Variants in CDKL1 observed in about 807,000 individuals in gnomAD.
CDKL1 encodes the protein cyclin dependent kinase like 1.
A neutral mutation model predicts 42.0 loss-of-function variants in CDKL1; 41 were observed. That is an observed-to-expected ratio of 0.98 (90% CI 0.76 to 1.27). The LOEUF is 1.27. Among genes scored for constraint, CDKL1 ranks in the 50% most tolerant of loss-of-function variants. The pLI, the probability that CDKL1 is intolerant of heterozygous loss-of-function variation, is 0.00. For missense variants in CDKL1, 394 were observed against 428.4 expected, an observed-to-expected ratio of 0.92 and a Z score of 0.71; for synonymous variants, 153 against 158.6, an observed-to-expected ratio of 0.96 and a Z score of 0.26.
At chr14:50,341,576 C>T (rs142322246) in intron 5 of CDKL1, among the ~76,000 whole-genome samples, 4 of 151,208 alleles carry the variant, frequency 2.6e-5, no homozygotes, top group African/African-American at 9.7e-5. Flanking sequence ...CCCAGGAGTT[C>T]GAGACCAGCC....
chr14:50,331,923 A>G, intron 9 of CDKL1: 1 of 1,037,494 alleles, frequency 9.6e-7, no homozygotes. Flanking sequence ...GATGACACAG[A>G]ACTGCATGGG....
At chr14:50,361,178 G>A (rs918863219) in intron 2 of CDKL1, among the ~76,000 whole-genome samples, 4 of 152,142 alleles carry the variant, frequency 2.6e-5, no homozygotes, top group Admixed American at 1.3e-4. Context: ...GGTAAAAGGA[G>A]GAAAATTGAA....
At chr14:50,344,864 C>G (rs774387552) in intron 4 of CDKL1, 122 bp downstream of exon 4, 287 of 729,306 alleles carry the variant, frequency 3.9e-4, no homozygotes, top group Non-Finnish European at 4.2e-4. Flanking sequence ...CTTACCCAAC[C>G]AGGCTTATGA....
intron 4 of CDKL1, among the ~76,000 whole-genome samples, chr14:50,344,477 T>G (rs1334278287): frequency 2.7e-5 from 4 of 150,008 alleles, no homozygotes; most frequent in Middle Eastern, 3.2e-3. Context: ...GGTTTTTTTT[T>G]TTTTTTTTTT....
intron 7 of CDKL1, among the ~76,000 whole-genome samples, chr14:50,338,253 C>T (rs1566575993): frequency 6.6e-6 from 1 of 152,202 alleles, no homozygotes; most frequent in East Asian, 1.9e-4. Context: ...GAGTCTTGCT[C>T]TGTCGCCCAC....
intron 2 of CDKL1, among the ~76,000 whole-genome samples, chr14:50,385,712 G>A (rs553595962): frequency 1.5e-4 from 22 of 150,578 alleles, no homozygotes; most frequent in Admixed American, 4.0e-4. Context: ...GCTGAAGCAC[G>A]AGAATCGCTT....
At chr14:50,366,798 C>T (rs538067666) in intron 2 of CDKL1, among the ~76,000 whole-genome samples, 50 of 152,102 alleles carry the variant, frequency 3.3e-4, no homozygotes, top group Non-Finnish European at 5.7e-4. Flanking sequence ...AAGGTTTACA[C>T]ACTGGAACTG....
At chr14:50,382,542 C>CTCCT (rs60843582) in intron 2 of CDKL1, among the ~76,000 whole-genome samples, 68,664 of 144,674 alleles carry the variant, frequency 0.47, 16,694 homozygotes, top group East Asian at 0.68. Context: ...ATAAAAATTA[C>CTCCT]TCCTTCCTTC....
intron 3 of CDKL1, among the ~76,000 whole-genome samples, chr14:50,346,090 G>A (rs2033714207): frequency 6.6e-6 from 1 of 152,102 alleles, no homozygotes; most frequent in African/African-American, 2.4e-5. Flanking sequence ...GTAAATCAGG[G>A]AGGAAGCTCT....
intron 3 of CDKL1, chr14:50,357,889 G>T (rs1292200318): frequency 4.7e-6 from 2 of 421,694 alleles, no homozygotes; most frequent in East Asian, 1.3e-4. Flanking sequence ...CCATATAAGG[G>T]AAGCTTATTT....
intron 2 of CDKL1, chr14:50,377,747 T>C (rs2034776888): frequency 4.0e-6 from 5 of 1,237,610 alleles, no homozygotes; most frequent in East Asian, 5.3e-5. Context: ...GGCACATGAG[T>C]GGTATGCGGC....
Position 50,338,992 on chromosome 14 carries a change from C to G in CDKL1, c.693G>C (p.Thr231=). Reference sequence around the variant, plus strand: ...TTTTCACTCCACTGAAGTACTGATTCGTGCTAAACACTTGCTGGTGCCTAG... The same window carrying G: ...TTTTCACTCCACTGAAGTACTGATTGGTGCTAAACACTTGCTGGTGCCTAG... ...LIPRHQQVFS[T]NQYFSGVKIP... is the part of the protein sequence containing the mutation. The change falls in exon 7 of 10, where the codon ACG becomes ACC. Residue 231 remains threonine, a synonymous_variant. Transcript: ENST00000395834. 5 of 1,613,146 alleles carry G rather than the reference C, an allele frequency of 3.1e-6. No individual in the cohort carries two copies. The highest frequency in any genetic ancestry group is 4.2e-6 in the Non-Finnish European group (5 of 1,179,128).
chr14:50,386,422 A>C (rs547144533), intron 2 of CDKL1, among the ~76,000 whole-genome samples: 2 of 152,330 alleles, frequency 1.3e-5, no homozygotes, highest in South Asian at 4.1e-4. Flanking sequence ...CAACAGAGTG[A>C]GACTCTGTCG....
At chr14:50,360,786 T>TTGTGTGTGTGTGTGTG (rs58307197) in intron 2 of CDKL1, among the ~76,000 whole-genome samples, 10 of 144,602 alleles carry the variant, frequency 6.9e-5, no homozygotes, top group African/African-American at 2.3e-4. Flanking sequence ...GTGTGTGTGT[T>TTGTGTGTGTGTGTGTG]TGTGTGTGTG....
chr14:50,373,238 T>C (rs1326176552), intron 2 of CDKL1, among the ~76,000 whole-genome samples: 1 of 152,202 alleles, frequency 6.6e-6, no homozygotes, highest in Non-Finnish European at 1.5e-5. Context: ...CAAAGGGTTA[T>C]ATTCCTAATA....
chr14:50,376,326 C>T (rs1231605119), intron 2 of CDKL1: 12 of 464,892 alleles, frequency 2.6e-5, no homozygotes, highest in South Asian at 1.7e-4. Flanking sequence ...CACACAGACA[C>T]GTCCTCTTAC....
intron 2 of CDKL1, among the ~76,000 whole-genome samples, chr14:50,377,180 C>G (rs2034757679): frequency 6.6e-6 from 1 of 152,172 alleles, no homozygotes; most frequent in South Asian, 2.1e-4. Context: ...GCGCCTGTAG[C>G]CTGACAGAGC....
chr14:50,367,578 A>G (rs1190852080), intron 2 of CDKL1, among the ~76,000 whole-genome samples: 2 of 152,272 alleles, frequency 1.3e-5, no homozygotes, highest in Non-Finnish European at 2.9e-5. Context: ...AGAACTAAGC[A>G]ACATGATGGA....
chr14:50,391,943 A>G (rs2035269276), intron 2 of CDKL1, among the ~76,000 whole-genome samples: 1 of 152,206 alleles, frequency 6.6e-6, no homozygotes, highest in Non-Finnish European at 1.5e-5. Flanking sequence ...TCTTCAAAAC[A>G]GTTGCCCATA....
Sources: gnomAD v4.1 joint callset for allele counts (sites outside exome capture counted in the v4.1 genomes callset) on GRCh38, gnomAD v4.1.1 for gene constraint, MANE v1.5 for transcripts, NCBI Gene and HGNC (gene_info 2026-07-23, HGNC 2026-07-21) for gene names.